Variants in PPP1R12A observed in about 807,000 individuals in gnomAD.
The protein encoded by PPP1R12A is protein phosphatase 1 regulatory subunit 12A.
A neutral mutation model predicts 139.6 loss-of-function variants in PPP1R12A; 19 were observed. The ratio of observed to expected loss-of-function variants is 0.14; its 90% CI spans 0.09 to 0.20. The LOEUF is 0.20. PPP1R12A is among the 10% of genes least tolerant of loss of function. PPP1R12A has a pLI of 1.00. For missense variants in PPP1R12A, 925 were observed against 1,211.5 expected (o/e 0.76, Z 3.51); for synonymous variants, 427 against 420.6 (o/e 1.02, Z -0.19).
In PPP1R12A at chr12:79,796,916, CTTGAAG is replaced by C. The variant is rs750077599; in HGVS notation, c.2321_2326del (p.Thr774_Ser775del). On this transcript the variant is annotated inframe_deletion, in exon 17 of 25. Transcript: ENST00000450142. ...AAGTGAAGAGGATGGAGTGGTTGAACTTGAAGTTGATACTGGCCTATAACGCTGGTA... is the reference window on the plus strand; with the variant it reads ...AAGTGAAGAGGATGGAGTGGTTGAACTTGATACTGGCCTATAACGCTGGTA... 5 of 1,612,458 alleles carry C rather than the reference CTTGAAG, an allele frequency of 3.1e-6. No homozygotes were observed. Among genetic ancestry groups the C allele is most frequent in the Non-Finnish European group, 4.2e-6 (5 of 1,179,274 alleles).
chr12:79,846,336 GTTAT>G (rs1210959830), intron 2 of PPP1R12A, among the ~76,000 whole-genome samples: 1 of 152,108 alleles, frequency 6.6e-6, no homozygotes, highest in East Asian at 1.9e-4. Context: ...ATACAAAAAG[GTTAT>G]TTATCTATTT....
intron 22 of PPP1R12A, among the ~76,000 whole-genome samples, chr12:79,785,741 G>C (rs1306359457): frequency 6.6e-6 from 1 of 152,010 alleles, no homozygotes; most frequent in Non-Finnish European, 1.5e-5. Context: ...TGATCACAAA[G>C]CTTTTTTTTT....
chr12:79,822,056 GT>G (rs1196418539), intron 6 of PPP1R12A, 59 bp downstream of exon 6: 4 of 1,189,608 alleles, frequency 3.4e-6, no homozygotes, highest in Non-Finnish European at 4.8e-6. Context: ...TTTTGTAATT[GT>G]CTCAAATTCA....
chr12:79,857,845 A>G (rs1880864224), intron 2 of PPP1R12A, among the ~76,000 whole-genome samples: 1 of 152,160 alleles, frequency 6.6e-6, no homozygotes, highest in Admixed American at 6.5e-5. Context: ...AAAAATCATC[A>G]GAATTTACGT....
chr12:79,836,206 A>C (rs1301957529), intron 3 of PPP1R12A, among the ~76,000 whole-genome samples: 2 of 152,208 alleles, frequency 1.3e-5, no homozygotes, highest in African/African-American at 2.4e-5. Context: ...TCTATAGTAA[A>C]GCAGTTTTAC....
At chr12:79,879,472 T>C (rs1033691972) in intron 1 of PPP1R12A, among the ~76,000 whole-genome samples, 1 of 152,012 alleles carries the variant, frequency 6.6e-6, no homozygotes, top group African/African-American at 2.4e-5. Context: ...AATGCATAAA[T>C]ACACAGGGTG....
chr12:79,781,263 G>A (rs1378899843), intron 23 of PPP1R12A, among the ~76,000 whole-genome samples: 1 of 152,008 alleles, frequency 6.6e-6, no homozygotes, highest in East Asian at 1.9e-4. Context: ...CTTGCAGAAA[G>A]ACATCAAGTG....
chr12:79,793,735 T>C (rs1323413930), intron 19 of PPP1R12A, 128 bp downstream of exon 19: 9 of 644,598 alleles, frequency 1.4e-5, no homozygotes, highest in African/African-American at 3.8e-5. Context: ...AACACTGATA[T>C]TGCATACCCA....
chr12:79,826,347 T>G (rs1027953322), intron 5 of PPP1R12A, among the ~76,000 whole-genome samples: 1 of 147,416 alleles, frequency 6.8e-6, no homozygotes. Flanking sequence ...GTTTTTTTTT[T>G]TTTTTTTTTT....
intron 2 of PPP1R12A, among the ~76,000 whole-genome samples, chr12:79,853,684 T>C (rs1880309222): frequency 6.6e-6 from 1 of 152,226 alleles, no homozygotes; most frequent in Non-Finnish European, 1.5e-5. Flanking sequence ...CCTAGAGAAT[T>C]GATTCTAAAC....
chr12:79,842,339 T>G (rs1324259379), intron 3 of PPP1R12A, among the ~76,000 whole-genome samples: 1 of 152,172 alleles, frequency 6.6e-6, no homozygotes, highest in Non-Finnish European at 1.5e-5. Flanking sequence ...CCGCAGTCAT[T>G]AGGAATTTTC....
intron 14 of PPP1R12A, among the ~76,000 whole-genome samples, chr12:79,800,625 A>G (rs966108002): frequency 2.6e-5 from 4 of 151,970 alleles, no homozygotes; most frequent in African/African-American, 9.7e-5. Context: ...TCAAGGGTCA[A>G]CTGTATCTCT....
chr12:79,839,196 G>T (rs1327740363), intron 3 of PPP1R12A, among the ~76,000 whole-genome samples: 1 of 152,150 alleles, frequency 6.6e-6, no homozygotes, highest in East Asian at 1.9e-4. Flanking sequence ...CACTTCCATG[G>T]GGCTTATAGC....
chr12:79,837,436 A>G (rs567909778), intron 3 of PPP1R12A, among the ~76,000 whole-genome samples: 1 of 152,336 alleles, frequency 6.6e-6, no homozygotes, highest in South Asian at 2.1e-4. Flanking sequence ...GTTATTGATC[A>G]AATGTACTGG....
chr12:79,786,604 A>T (rs1356660277), intron 21 of PPP1R12A, 126 bp from the exon 22 acceptor site: 6 of 565,400 alleles, frequency 1.1e-5, no homozygotes, highest in South Asian at 2.9e-5. Context: ...GGATACATTT[A>T]AAAAATCCTT....
chr12:79,869,934 T>TATTATA (rs888120483), intron 2 of PPP1R12A, among the ~76,000 whole-genome samples: 3 of 150,126 alleles, frequency 2.0e-5, no homozygotes, highest in Admixed American at 6.6e-5. Flanking sequence ...TTATTATTAT[T>TATTATA]ATAAGTGCTT....
intron 22 of PPP1R12A, chr12:79,782,582 T>C: frequency 2.2e-6 from 1 of 455,360 alleles, no homozygotes; most frequent in Non-Finnish European, 4.4e-6. Context: ...TGTTGTATCC[T>C]GTACTGGAGA....
chr12:79,921,631 A>C (rs1262374828), intron 1 of PPP1R12A, among the ~76,000 whole-genome samples: 1 of 152,140 alleles, frequency 6.6e-6, no homozygotes, highest in Admixed American at 6.6e-5. Flanking sequence ...CTGCCACCTC[A>C]ACTAGATTGT....
At chr12:79,818,417 T>A (rs1875673880) in intron 8 of PPP1R12A, among the ~76,000 whole-genome samples, 1 of 152,054 alleles carries the variant, frequency 6.6e-6, no homozygotes, top group Non-Finnish European at 1.5e-5. Flanking sequence ...ATTGTTGTGT[T>A]TTTTTTGTAA....
Sources: gnomAD v4.1 joint callset for allele counts (sites outside exome capture counted in the v4.1 genomes callset) on GRCh38, gnomAD v4.1.1 for gene constraint, MANE v1.5 for transcripts, NCBI Gene and HGNC (gene_info 2026-07-23, HGNC 2026-07-21) for gene names.